Variants in NUP210L observed in about 807,000 individuals in gnomAD.
NUP210L encodes nucleoporin 210 like, also known as nuclear pore membrane glycoprotein 210-like.
A neutral mutation model predicts 208.5 loss-of-function variants in NUP210L; 74 were observed. The observed-to-expected ratio is 0.35, with a 90% confidence interval of 0.29 to 0.43. NUP210L has a LOEUF of 0.43. Among genes scored for constraint, NUP210L ranks in the 20% least tolerant of loss-of-function variants. The probability of loss-of-function intolerance (pLI) is 1.00; values close to 1 mark genes in which losing one functional copy is unlikely to be tolerated. For missense variants in NUP210L, 1,843 were observed against 2,289.4 expected, an observed-to-expected ratio of 0.81 and a Z score of 3.98; for synonymous variants, 780 against 816.9, an observed-to-expected ratio of 0.95 and a Z score of 0.77.
At chr1:154,112,990 C>T (rs1428606129) in intron 12 of NUP210L, among the ~76,000 whole-genome samples, 1 of 151,460 alleles carries the variant, frequency 6.6e-6, no homozygotes, top group Non-Finnish European at 1.5e-5. Flanking sequence ...AACCCTGTCT[C>T]TATTAAAAAT....
At chr1:154,016,849 C>T (rs1034751015) in intron 33 of NUP210L, among the ~76,000 whole-genome samples, 1 of 152,042 alleles carries the variant, frequency 6.6e-6, no homozygotes, top group Non-Finnish European at 1.5e-5. Context: ...ACCTGTAGTC[C>T]CAGCTACTAG....
intron 13 of NUP210L, among the ~76,000 whole-genome samples, chr1:154,103,804 T>C (rs1384198441): frequency 6.6e-6 from 1 of 152,054 alleles, no homozygotes; most frequent in African/African-American, 2.4e-5. Flanking sequence ...TCTACATCTG[T>C]AAAATGAGGA....
chr1:154,154,977 C>T, exon 1 of NUP210L: 2 of 1,614,028 alleles, frequency 1.2e-6, no homozygotes, highest in Non-Finnish European at 1.7e-6. Flanking sequence ...CAACAGGAGG[C>T]GGTGTAGACG....
At chr1:154,052,851 T>A (rs1187439084) in intron 25 of NUP210L, among the ~76,000 whole-genome samples, 6 of 152,200 alleles carry the variant, frequency 3.9e-5, no homozygotes, top group Non-Finnish European at 7.4e-5. Flanking sequence ...AAAGGGGATG[T>A]TTAGCATGAA....
At chr1:154,118,832 C>A (rs1345829796) in intron 10 of NUP210L, 24 bp from the exon 11 acceptor site, 1 of 1,431,502 alleles carries the variant, frequency 7.0e-7, no homozygotes, top group Non-Finnish European at 9.7e-7. Context: ...AAAAAAGGAG[C>A]AAAATATATT....
intron 16 of NUP210L, among the ~76,000 whole-genome samples, chr1:154,077,097 A>G (rs1557960214): frequency 6.6e-6 from 1 of 152,118 alleles, no homozygotes; most frequent in South Asian, 2.1e-4. Context: ...AAAAAGGGCC[A>G]GGTGCAGTGG....
intron 16 of NUP210L, among the ~76,000 whole-genome samples, chr1:154,087,010 G>A (rs2148040628): frequency 6.6e-6 from 1 of 152,104 alleles, no homozygotes; most frequent in East Asian, 1.9e-4. Context: ...CAAATGGCCA[G>A]TAAGCACATA....
intron 15 of NUP210L, among the ~76,000 whole-genome samples, chr1:154,091,373 A>G (rs902733714): frequency 1.3e-5 from 2 of 151,900 alleles, no homozygotes; most frequent in African/African-American, 4.8e-5. Context: ...TGGGATTACA[A>G]GTGTGAGCCA....
exon 19 of NUP210L, chr1:154,060,993 A>G: frequency 6.2e-7 from 1 of 1,613,960 alleles, no homozygotes; most frequent in Non-Finnish European, 8.5e-7. Flanking sequence ...CTACAGTTAC[A>G]TCATCTACCA....
intron 11 of NUP210L, among the ~76,000 whole-genome samples, chr1:154,118,224 G>A (rs1657430717): frequency 1.3e-5 from 2 of 151,952 alleles, no homozygotes; most frequent in South Asian, 2.1e-4. Flanking sequence ...CAGGAGAATC[G>A]CTTCAACCTG....
chr1:154,020,793 G>A (rs1651506606), intron 32 of NUP210L, among the ~76,000 whole-genome samples: 1 of 151,864 alleles, frequency 6.6e-6, no homozygotes, highest in South Asian at 2.1e-4. Context: ...CCAAAGTGCT[G>A]GGGTTACAGG....
At chr1:153,996,500 C>T (rs1482142585) in intron 37 of NUP210L, among the ~76,000 whole-genome samples, 2 of 152,086 alleles carry the variant, frequency 1.3e-5, no homozygotes, top group African/African-American at 4.8e-5. Context: ...CAACTCCCTG[C>T]AACCTCCGCC....
chr1:154,152,858 T>C (rs769182531), exon 2 of NUP210L: 1 of 1,613,948 alleles, frequency 6.2e-7, no homozygotes, highest in African/African-American at 1.3e-5. Context: ...AACTGCATCA[T>C]GATGGGTGGA....
intron 8 of NUP210L, among the ~76,000 whole-genome samples, chr1:154,127,697 T>C (rs1658055913): frequency 6.6e-6 from 1 of 151,780 alleles, no homozygotes; most frequent in African/African-American, 2.4e-5. Flanking sequence ...ATTATCGGTG[T>C]GCGTTACCAT....
intron 2 of NUP210L, among the ~76,000 whole-genome samples, chr1:154,151,636 T>G (rs1659388895): frequency 6.6e-6 from 1 of 152,100 alleles, no homozygotes; most frequent in Non-Finnish European, 1.5e-5. Context: ...AAGAATAGGT[T>G]TTAGGTGGTT....
chr1:154,018,839 T>C, intron 33 of NUP210L, 94 bp downstream of exon 33: 1 of 1,394,752 alleles, frequency 7.2e-7, no homozygotes, highest in Non-Finnish European at 9.9e-7. Flanking sequence ...TTTATGAGTG[T>C]ATTTCCTTTC....
At chr1:154,126,587 C>T (rs1225679618) in intron 9 of NUP210L, 124 bp from the exon 10 acceptor site, 10 of 727,938 alleles carry the variant, frequency 1.4e-5, no homozygotes, top group Middle Eastern at 4.1e-4. Flanking sequence ...AAAAACAAAA[C>T]TTTTGCTCTC....
At chr1:154,143,657 T>C in intron 2 of NUP210L, 80 bp from the exon 3 acceptor site, 1 of 1,225,260 alleles carries the variant, frequency 8.2e-7, no homozygotes, top group Non-Finnish European at 1.1e-6. Flanking sequence ...AAAACTGTAT[T>C]CTAAAGATTA....
At chr1:154,096,052 C>A (rs774756649) in intron 14 of NUP210L, among the ~76,000 whole-genome samples, 3 of 152,104 alleles carry the variant, frequency 2.0e-5, no homozygotes, top group Non-Finnish European at 4.4e-5. Flanking sequence ...CCCATCAACC[C>A]ATCATGTACG....
Sources: gnomAD v4.1 joint callset for allele counts (sites outside exome capture counted in the v4.1 genomes callset) on GRCh38, gnomAD v4.1.1 for gene constraint, MANE v1.5 for transcripts, NCBI Gene and HGNC (gene_info 2026-07-23, HGNC 2026-07-21) for gene names.